The following CSPP1 variants were observed in gnomAD, a reference collection of about 807,000 sequenced individuals.
CSPP1 encodes centrosome and spindle pole associated protein 1, also known as centrosome and spindle pole-associated protein 1.
In CSPP1, 126 loss-of-function variants were observed where a neutral mutation model predicts 164.4. That is an observed-to-expected ratio of 0.77 (90% confidence interval 0.66 to 0.89). The LOEUF (loss-of-function observed/expected upper bound fraction) is 0.89, where lower values mean the gene tolerates loss of function less well. CSPP1 is among the 40% of genes least tolerant of loss of function. The pLI is 0.00. For synonymous variants in CSPP1, 472 were observed against 476.7 expected (o/e 0.99, Z 0.13); for missense variants, 1,395 against 1,449.8 (o/e 0.96, Z 0.61).
intron 15 of CSPP1, among the ~76,000 whole-genome samples, chr8:67,120,660 T>C (rs527751954): frequency 4.5e-4 from 69 of 152,256 alleles, no homozygotes; most frequent in African/African-American, 1.6e-3. Flanking sequence ...TCTTTTCAAA[T>C]TGTTCATTGT....
chr8:67,186,724 A>C (rs1834705041), intron 28 of CSPP1, among the ~76,000 whole-genome samples: 1 of 152,188 alleles, frequency 6.6e-6, no homozygotes. Flanking sequence ...GAAAGGGAGA[A>C]ATAGAATTGT....
intron 5 of CSPP1, among the ~76,000 whole-genome samples, chr8:67,092,712 G>A (rs370448001): frequency 5.3e-5 from 8 of 152,154 alleles, no homozygotes; most frequent in Non-Finnish European, 8.8e-5. Flanking sequence ...CAAAGTACTG[G>A]CATTACAGGC....
At chr8:67,188,604 A>G (rs1280885410) in intron 28 of CSPP1, among the ~76,000 whole-genome samples, 2 of 152,140 alleles carry the variant, frequency 1.3e-5, no homozygotes, top group Non-Finnish European at 2.9e-5. Context: ...TTGGAACTGC[A>G]TGCTCTTCTG....
chr8:67,147,656 A>G (rs1231883833), intron 17 of CSPP1, among the ~76,000 whole-genome samples: 1 of 151,896 alleles, frequency 6.6e-6, no homozygotes, highest in Non-Finnish European at 1.5e-5. Context: ...CTGGCTTGAC[A>G]GTTCCTTTTT....
Position 67,168,871 on chromosome 8 carries a change from A to G in CSPP1, c.2829-3545A>G, listed in dbSNP as rs553667114. Among the ~76,000 whole-genome samples the G allele has an allele frequency of 3.3e-5, 5 of 152,364 alleles. No individual in the cohort carries two copies. In the South Asian group the frequency reaches 1.0e-3, roughly 32 times the overall value. ...CTATTAGCATTAATGGAAACTAGAC[A>G]GCAGTCCAATTTAATGGTCTCTTGG... On this transcript the variant is annotated intron_variant, in intron 24 of 30. Coordinates refer to ENST00000678616, the MANE Select transcript of CSPP1 (RefSeq NM_001382391.1).
chr8:67,181,968 T>C (rs1313867168), intron 28 of CSPP1, among the ~76,000 whole-genome samples: 2 of 152,168 alleles, frequency 1.3e-5, no homozygotes, highest in Admixed American at 6.5e-5. Context: ...CATAACATCT[T>C]TGAGGTTTAT....
chr8:67,194,891 T>A (rs1313865746), intron 30 of CSPP1, among the ~76,000 whole-genome samples: 1 of 152,200 alleles, frequency 6.6e-6, no homozygotes, highest in Non-Finnish European at 1.5e-5. Flanking sequence ...AGTAATCTCA[T>A]GCCAACTAGT....
At chr8:67,107,983 G>GTTTTTTTTTTTTTTT (rs34204898) in intron 9 of CSPP1, among the ~76,000 whole-genome samples, 4 of 127,160 alleles carry the variant, frequency 3.1e-5, no homozygotes, top group African/African-American at 6.0e-5. Context: ...CTTTGACAAA[G>GTTTTTTTTTTTTTTT]TTTTTTTTTT....
intron 16 of CSPP1, among the ~76,000 whole-genome samples, chr8:67,132,608 G>A (rs1821456142): frequency 6.6e-6 from 1 of 152,182 alleles, no homozygotes; most frequent in East Asian, 1.9e-4. Flanking sequence ...GTAAGGAGGT[G>A]ATGAGGCCCT....
intron 15 of CSPP1, among the ~76,000 whole-genome samples, chr8:67,124,014 C>G (rs1174336525): frequency 6.6e-6 from 1 of 151,010 alleles, no homozygotes; most frequent in African/African-American, 2.4e-5. Context: ...ATTCTCCTGC[C>G]TCAGCCTCCC....
intron 3 of CSPP1, among the ~76,000 whole-genome samples, chr8:67,082,764 A>G (rs1172426424): frequency 6.6e-6 from 1 of 152,214 alleles, no homozygotes; most frequent in Non-Finnish European, 1.5e-5. Flanking sequence ...GAAACCAAAT[A>G]CTTCTAATTA....
chr8:67,116,194 C>T, intron 13 of CSPP1, 72 bp downstream of exon 13: 3 of 1,043,470 alleles, frequency 2.9e-6, no homozygotes, highest in Non-Finnish European at 4.5e-6. Context: ...GAAGGATATA[C>T]TGAAGCGGAT....
At chr8:67,146,299 T>C (rs1471065125) in intron 17 of CSPP1, among the ~76,000 whole-genome samples, 2 of 151,604 alleles carry the variant, frequency 1.3e-5, no homozygotes, top group African/African-American at 4.8e-5. Flanking sequence ...AATTACAAAA[T>C]TTTTTTTAGA....
At chr8:67,110,667 T>G (rs955004356) in intron 9 of CSPP1, among the ~76,000 whole-genome samples, 5 of 152,204 alleles carry the variant, frequency 3.3e-5, no homozygotes, top group African/African-American at 1.2e-4. Flanking sequence ...TCTACTCAAT[T>G]TAGCTCAGTT....
chr8:67,182,621 C>T (rs1224830259), intron 28 of CSPP1, among the ~76,000 whole-genome samples: 1 of 152,186 alleles, frequency 6.6e-6, no homozygotes, highest in Non-Finnish European at 1.5e-5. Flanking sequence ...ACAAAAGTTC[C>T]GATTTCTCTA....
intron 19 of CSPP1, among the ~76,000 whole-genome samples, chr8:67,156,387 A>G (rs1826674755): frequency 6.6e-6 from 1 of 152,142 alleles, no homozygotes; most frequent in Admixed American, 6.5e-5. Flanking sequence ...ACCTCTAGAA[A>G]AAGTATGGTA....
At chr8:67,112,235 T>G (rs1056201602) in intron 10 of CSPP1, among the ~76,000 whole-genome samples, 170 bp downstream of exon 10, 1 of 127,392 alleles carries the variant, frequency 7.8e-6, no homozygotes, top group Non-Finnish European at 1.6e-5. Context: ...ACTAAGAGAG[T>G]TTTTTTTTTT....
At chr8:67,130,381 G>A (rs1820978302) in intron 15 of CSPP1, among the ~76,000 whole-genome samples, 1 of 152,154 alleles carries the variant, frequency 6.6e-6, no homozygotes, top group South Asian at 2.1e-4. Flanking sequence ...GATATTGAGA[G>A]AACCTGTCCA....
intron 28 of CSPP1, among the ~76,000 whole-genome samples, chr8:67,180,279 G>C (rs1202808193): frequency 6.6e-6 from 1 of 152,172 alleles, no homozygotes; most frequent in Non-Finnish European, 1.5e-5. Context: ...AAGGAACAAA[G>C]TTTTGAAACT....
Sources: gnomAD v4.1 joint callset for allele counts (sites outside exome capture counted in the v4.1 genomes callset) on GRCh38, gnomAD v4.1.1 for gene constraint, MANE v1.5 for transcripts, NCBI Gene and HGNC (gene_info 2026-07-23, HGNC 2026-07-21) for gene names.